DMRT1: variants seen among roughly 807,000 people sequenced by gnomAD.
DMRT1 encodes doublesex- and mab-3-related transcription factor 1.
In DMRT1, 7 loss-of-function variants were observed where a neutral mutation model predicts 32.3. That is an observed-to-expected ratio of 0.22 (90% CI 0.12 to 0.41). The LOEUF is 0.41. DMRT1 is among the 10% of genes least tolerant of loss of function. The probability of loss-of-function intolerance (pLI) is 1.00; values close to 1 mark genes in which losing one functional copy is unlikely to be tolerated. For synonymous variants in DMRT1, 278 were observed against 206.1 expected (o/e 1.35, Z -2.99); for missense variants, 625 against 500.5 (o/e 1.25, Z -2.37).
intron 2 of DMRT1, among the ~76,000 whole-genome samples, chr9:876,817 ACTGTGCC>A (rs922021292): frequency 1.3e-5 from 2 of 150,624 alleles, no homozygotes; most frequent in African/African-American, 5.0e-5. Flanking sequence ...AGGCATGACC[ACTGTGCC>A]CAGGTAACAG....
chr9:950,822 G>C (rs1028974886), intron 4 of DMRT1, among the ~76,000 whole-genome samples: 1 of 152,050 alleles, frequency 6.6e-6, no homozygotes, highest in Non-Finnish European at 1.5e-5. Flanking sequence ...CTGTTTTCTT[G>C]GACTTCCTTT....
At position 965,506 on chromosome 9, in the gene DMRT1, A is replaced by G. The variant is rs1226414853; in HGVS notation, c.968-2479A>G. 6.6e-6 allele frequency among the ~76,000 whole-genome samples: 1 copy of G among 152,214 alleles called. No individual in the cohort carries two copies. Among genetic ancestry groups the G allele is most frequent in the Non-Finnish European group, 1.5e-5 (1 of 68,040 alleles). On this transcript the variant is annotated intron_variant, in intron 4 of 4. Transcript: ENST00000382276. This position sits in a 1 kb window ranked among gnomAD's most constrained non-coding sequence, Gnocchi z 4.5. The stretch of plus-strand genomic sequence containing the variant: ...AAATATTCATAAGGCAAGTTAGAGC[A>G]AAAGGGGGATATTGTCAAATTCCTT...
intron 2 of DMRT1, among the ~76,000 whole-genome samples, chr9:862,187 G>A (rs1434868230): frequency 1.8e-4 from 27 of 151,356 alleles, no homozygotes; most frequent in South Asian, 8.5e-4. Context: ...CCGAGATCAC[G>A]CCACTGCACT....
intron 3 of DMRT1, among the ~76,000 whole-genome samples, chr9:898,584 T>G (rs1183619107): frequency 1.3e-5 from 2 of 152,202 alleles, no homozygotes; most frequent in Non-Finnish European, 2.9e-5. Context: ...GGGCTCTTCT[T>G]TGGTTGCTGC....
rs751952977 is a variant in DMRT1 at position 861,214 on chromosome 9, G to A, written c.538+14071G>A. On this transcript the variant is annotated intron_variant, in intron 2 of 4. Coordinates refer to ENST00000382276, the MANE Select transcript of DMRT1 (RefSeq NM_021951.3). ...TAGGCAGAGGGCCCTGCCGCCTTCCGTCTTCTGCAGTGTTTGTGTCCCTGG... is the reference window on the plus strand; with the variant it reads ...TAGGCAGAGGGCCCTGCCGCCTTCCATCTTCTGCAGTGTTTGTGTCCCTGG... 1.1e-4 allele frequency among the ~76,000 whole-genome samples: 17 copies of A among 152,082 alleles called. No individual in the cohort carries two copies. The East Asian group carries it at 1.6e-3, about 14-fold the overall frequency.
chr9:923,245 C>T lies in DMRT1; in HGVS notation c.967+6338C>T, dbSNP rs548297462. ...GAGGTTCTGCTCTCTGTTGGGAGCACCCTGAGATCTACTTGCTCTTGATCC... is the reference window on the plus strand; with the variant it reads ...GAGGTTCTGCTCTCTGTTGGGAGCATCCTGAGATCTACTTGCTCTTGATCC... On this transcript the variant is annotated intron_variant, in intron 4 of 4. Coordinates refer to ENST00000382276, the MANE Select transcript of DMRT1 (RefSeq NM_021951.3). Among the ~76,000 whole-genome samples the T allele has an allele frequency of 7.2e-5, 11 of 152,246 alleles. No individual in the cohort carries two copies. The South Asian group carries it at 2.1e-3, about 29-fold the overall frequency.
At chr9:842,376 A>G in intron 1 of DMRT1, 184 bp downstream of exon 1, 2 of 733,818 alleles carry the variant, frequency 2.7e-6, no homozygotes, top group South Asian at 1.9e-5. Flanking sequence ...CTGGGACTAC[A>G]GGCGCACACC....
In DMRT1 at chr9:883,824, G is replaced by A. The variant is rs555255320; in HGVS notation, c.539-10088G>A. On this transcript the variant is annotated intron_variant, in intron 2 of 4. Coordinates refer to ENST00000382276, the MANE Select transcript of DMRT1 (RefSeq NM_021951.3). ...AAAAAAAATGGGGAAAACAACTTAC[G>A]CTTTTGCTATACCCTCGTAGCGCTC... Among the ~76,000 whole-genome samples, 225 of 151,658 alleles carry A rather than the reference G, an allele frequency of 1.5e-3. 4 individuals carry two copies. Among genetic ancestry groups the A allele is most frequent in the Non-Finnish European group, 4.0e-4 (27 of 67,930 alleles).
intron 2 of DMRT1, among the ~76,000 whole-genome samples, chr9:848,493 G>T (rs1166021417): frequency 6.6e-6 from 1 of 151,122 alleles, no homozygotes; most frequent in Non-Finnish European, 1.5e-5. Flanking sequence ...TTTTTTCTTT[G>T]CTTGGATTGG....
At chr9:860,799 A>G (rs1008627790) in intron 2 of DMRT1, among the ~76,000 whole-genome samples, 1 of 152,244 alleles carries the variant, frequency 6.6e-6, no homozygotes, top group African/African-American at 2.4e-5. Flanking sequence ...ACAGTGAGCC[A>G]TTCTCATCAA....
In DMRT1 at chr9:918,800, C is replaced by G. The variant is rs149443492; in HGVS notation, c.967+1893C>G. 3.4e-3 allele frequency among the ~76,000 whole-genome samples: 525 copies of G among 152,260 alleles called. 3 individuals carry two copies. Among genetic ancestry groups the G allele is most frequent in the African/African-American group, 0.012 (502 of 41,544 alleles). The stretch of plus-strand genomic sequence containing the variant: ...TACAAATACGTAGAAAATCAAAATC[C>G]CAGCTAATTTTTAACAGAAGGCTTA... On this transcript the variant is annotated intron_variant, in intron 4 of 4. Transcript: ENST00000382276.
chr9:854,769 C>T, intron 2 of DMRT1, among the ~76,000 whole-genome samples: 1 of 109,620 alleles, frequency 9.1e-6, no homozygotes, highest in Non-Finnish European at 1.9e-5. Flanking sequence ...CAAAACAAAA[C>T]TCCTTTTTTT....
At chr9:929,040 T>C (rs965063093) in intron 4 of DMRT1, among the ~76,000 whole-genome samples, 3 of 152,146 alleles carry the variant, frequency 2.0e-5, no homozygotes, top group Non-Finnish European at 4.4e-5. Context: ...GGTTTCGCTA[T>C]GTTGGCCAGG....
At chr9:949,183 G>C (rs1342914139) in intron 4 of DMRT1, among the ~76,000 whole-genome samples, 2 of 151,920 alleles carry the variant, frequency 1.3e-5, no homozygotes, top group Non-Finnish European at 1.5e-5. Flanking sequence ...GATCAGCCTG[G>C]GCAACAAAGC....
rs548087719 is a variant in DMRT1 at position 916,624 on chromosome 9, G to A, written c.823-139G>A. 1.0e-4 allele frequency: 102 copies of A among 1,001,552 alleles called. No homozygotes were observed. In the South Asian group the frequency reaches 1.4e-3, roughly 13 times the overall value. 62.0% of individuals were successfully genotyped at this position (1,001,552 alleles called of 1,614,324 possible). A position where few individuals can be genotyped will look rare whatever the true frequency, so the allele number is the denominator to read the frequency against. On this transcript the variant is annotated intron_variant, in intron 3 of 4. Transcript: ENST00000382276. ...TGGGCTCAAGCGATCCTCCCGCCCT[G>A]GCCTCCCAAGGTGTCGGGAACATAG... is the stretch of plus-strand genomic sequence containing the variant.
chr9:947,976 G>C (rs915389058), intron 4 of DMRT1, among the ~76,000 whole-genome samples: 1 of 152,210 alleles, frequency 6.6e-6, no homozygotes, highest in African/African-American at 2.4e-5. Flanking sequence ...AGCCCTTGCT[G>C]CTGCTGACTG....
At chr9:925,089 A>G (rs967504353) in intron 4 of DMRT1, among the ~76,000 whole-genome samples, 1 of 152,196 alleles carries the variant, frequency 6.6e-6, no homozygotes, top group African/African-American at 2.4e-5. Context: ...ATGTAAGGAT[A>G]AGGTCCATTC....
chr9:862,360 G>C (rs1400555055), intron 2 of DMRT1, among the ~76,000 whole-genome samples: 1 of 152,094 alleles, frequency 6.6e-6, no homozygotes, highest in Non-Finnish European at 1.5e-5. Flanking sequence ...AACCAGTCAG[G>C]TGTGGCGGCG....
chr9:860,659 G>C (rs544543680), intron 2 of DMRT1, among the ~76,000 whole-genome samples: 1 of 152,300 alleles, frequency 6.6e-6, no homozygotes, highest in South Asian at 2.1e-4. Flanking sequence ...TTTGCAGTAA[G>C]TGGTAAGTGC....
Sources: gnomAD v4.1 joint callset for allele counts (sites outside exome capture counted in the v4.1 genomes callset) on GRCh38, gnomAD v4.1.1 for gene constraint, Gnocchi (gnomAD v3.1) non-coding constraint, MANE v1.5 for transcripts, NCBI Gene and HGNC (gene_info 2026-07-23, HGNC 2026-07-21) for gene names.